Variants in PLXND1 observed in about 807,000 individuals in gnomAD.
PLXND1 encodes the protein plexin-D1.
In PLXND1, 54 loss-of-function variants were observed where a neutral mutation model predicts 197.7. The observed-to-expected ratio is 0.27, with a 90% confidence interval of 0.22 to 0.34. The LOEUF is 0.34. Ranked by LOEUF, PLXND1 falls within the 10% of genes least tolerant of loss-of-function variation. The probability of loss-of-function intolerance (pLI) is 1.00; values close to 1 mark genes in which losing one functional copy is unlikely to be tolerated. For missense variants in PLXND1, 2,127 were observed against 2,699.2 expected (o/e 0.79, Z 4.70); for synonymous variants, 1,180 against 1,161.2 (o/e 1.02, Z -0.33).
At chr3:129,591,752 C>T (rs1372588358) in intron 1 of PLXND1, 1 of 152,180 alleles carries the variant, frequency 6.6e-6, no homozygotes, top group Non-Finnish European at 1.5e-5. Context: ...TTTGAGCAGC[C>T]ATCCTCTCAC....
chr3:129,582,615 C>G (rs2085401672), intron 8 of PLXND1, among the ~76,000 whole-genome samples: 1 of 152,214 alleles, frequency 6.6e-6, no homozygotes, highest in East Asian at 1.9e-4. Flanking sequence ...TCACCCCAGC[C>G]AAGGTCCCAG....
Position 129,557,189 on chromosome 3 carries a change from T to C in PLXND1, c.5480A>G (p.Glu1827Gly). The change falls in exon 34 of 36, where the codon GAG becomes GGG. Residue 1827 changes from glutamate to glycine, a missense_variant. Coordinates refer to ENST00000324093, the MANE Select transcript of PLXND1 (RefSeq NM_015103.3). This position sits in a 1 kb window ranked among gnomAD's most constrained non-coding sequence, Gnocchi z 4.8. ...CACGATCTTCCGGTACTCAGGAATC[T>C]CCTTGGCGTAGAGGAGCTTGTTGGT... ...SPTNKLLYAKEIPEYRKIVQR... is the reference protein window; with the variant it reads ...SPTNKLLYAKGIPEYRKIVQR... 6.2e-7 allele frequency: 1 copy of C among 1,614,136 alleles called. No homozygotes were observed. The highest frequency in any genetic ancestry group is 1.1e-5 in the South Asian group (1 of 91,088).
chr3:129,575,897 A>C (rs1193638292), intron 9 of PLXND1, 42 bp from the exon 10 acceptor site: 1 of 1,203,544 alleles, frequency 8.3e-7, no homozygotes, highest in Non-Finnish European at 1.2e-6. Flanking sequence ...GAGGAGAACC[A>C]AGCCAGCATG....
At chr3:129,560,213 G>A in intron 31 of PLXND1, 117 bp downstream of exon 31, 2 of 665,178 alleles carry the variant, frequency 3.0e-6, no homozygotes, top group South Asian at 1.8e-5. Context: ...GAAACAGGAA[G>A]AACTCACACC....
chr3:129,587,221 C>G (rs977228543), intron 2 of PLXND1, among the ~76,000 whole-genome samples: 4 of 152,208 alleles, frequency 2.6e-5, no homozygotes, highest in Non-Finnish European at 5.9e-5. Context: ...CATTCCTCCC[C>G]CCGACGCCCA....
intron 31 of PLXND1, 60 bp from the exon 32 acceptor site, chr3:129,559,843 AC>A (rs2085032069): frequency 7.1e-7 from 1 of 1,400,046 alleles, no homozygotes; most frequent in Non-Finnish European, 9.6e-7. Context: ...GCTAGTGGGC[AC>A]CCTTGGTGGC....
At chr3:129,597,930 T>G (rs560986497) in intron 1 of PLXND1, among the ~76,000 whole-genome samples, 1 of 152,260 alleles carries the variant, frequency 6.6e-6, no homozygotes, top group East Asian at 1.9e-4. Flanking sequence ...CCTCGGGAGT[T>G]ACCTGGTCCA....
chr3:129,597,532 C>T (rs183100167), intron 1 of PLXND1, among the ~76,000 whole-genome samples: 226 of 152,262 alleles, frequency 1.5e-3, no homozygotes, highest in African/African-American at 5.0e-3. Flanking sequence ...ACATGATTAA[C>T]GCCCCACTGG....
At chr3:129,569,057 G>A (rs2085183918) in intron 20 of PLXND1, 1 of 152,188 alleles carries the variant, frequency 6.6e-6, no homozygotes, top group East Asian at 1.9e-4. Flanking sequence ...CATACAATAT[G>A]CCTTTGGTGA....
intron 1 of PLXND1, among the ~76,000 whole-genome samples, chr3:129,599,079 C>T (rs998779010): frequency 1.3e-5 from 2 of 152,164 alleles, no homozygotes; most frequent in African/African-American, 2.4e-5. Context: ...AACGGAGGCC[C>T]AGGTAGGGGA....
At chr3:129,595,441 C>T (rs2085606178) in intron 1 of PLXND1, among the ~76,000 whole-genome samples, 1 of 152,176 alleles carries the variant, frequency 6.6e-6, no homozygotes, top group South Asian at 2.1e-4. Context: ...TCAGGGGTGA[C>T]CAAGAGGCTT....
At chr3:129,586,373 C>T in intron 3 of PLXND1, 101 bp from the exon 4 acceptor site, 2 of 1,082,726 alleles carry the variant, frequency 1.8e-6, no homozygotes, top group Non-Finnish European at 2.7e-6. Flanking sequence ...GCTGGGGAAA[C>T]TGAGGGTCAA....
At chr3:129,573,496 G>A (rs2085266862) in intron 13 of PLXND1, 98 bp downstream of exon 13, 2 of 1,224,472 alleles carry the variant, frequency 1.6e-6, no homozygotes, top group African/African-American at 1.5e-5. Context: ...CCAGAAAGCA[G>A]CAGAGTGAGG....
chr3:129,563,227 TC>T lies in PLXND1; in HGVS notation c.4534del (p.Glu1512SerfsTer47). The T allele has an allele frequency of 6.2e-7, 1 of 1,610,744 alleles. No individual in the cohort carries two copies. On this transcript the variant is annotated frameshift_variant, in exon 26 of 36. Coordinates refer to ENST00000324093, the MANE Select transcript of PLXND1 (RefSeq NM_015103.3). LOFTEE classifies it high-confidence loss of function. ...MYSCLRETVG[E>X]PFFLLLCAIK... The stretch of plus-strand genomic sequence containing the variant: ...GGCACACAGCAGCAGGAAGAATGGC[TC>T]CCCCACCGTCTCCTGAGGGGCACGG...
Position 129,567,750 on chromosome 3 carries a change from C to T in PLXND1, c.3921G>A (p.Thr1307=), listed in dbSNP as rs771157211. The change falls in exon 21 of 36, where the codon ACG becomes ACA. Residue 1307 remains threonine (T), a synonymous_variant. Transcript: ENST00000324093. ...ATTCCATCTCCTCCATCTGCAGCAG[C>T]GTCTTCTGCCAGTAACGCTCAGCAC... ...SRRAERYWQK[T]LLQMEEMESQ... 13 of 1,613,532 alleles carry T rather than the reference C, an allele frequency of 8.1e-6. No homozygotes were observed. Among genetic ancestry groups the T allele is most frequent in the Admixed American group, 5.0e-5 (3 of 60,024 alleles).
At chr3:129,586,808 T>C in intron 2 of PLXND1, 89 bp from the exon 3 acceptor site, 1 of 1,431,192 alleles carries the variant, frequency 7.0e-7, no homozygotes. Flanking sequence ...CTGGGGGCTC[T>C]GCCTCCCCAT....
intron 4 of PLXND1, 21 bp downstream of exon 4, chr3:129,586,151 G>A (rs200054332): frequency 6.2e-7 from 1 of 1,610,372 alleles, no homozygotes; most frequent in Non-Finnish European, 8.5e-7. Flanking sequence ...TGGTCCAGCT[G>A]TTGCTGGTGT....
Position 129,584,148 on chromosome 3 carries a change from A to G in PLXND1, c.2115T>C (p.Thr705=). The part of the protein sequence containing the change: ...ANFTIYDCSR[T]AQVYPHTACT... ...ACGCTGTGTGGGGGTACACTTGTGC[A>G]GTGCGGCTGCAGTCGTAGATGGTGA... is the stretch of plus-strand genomic sequence containing the variant. Residue 705 remains threonine, a synonymous_variant, in exon 7 of 36, where the codon ACT becomes ACC. Coordinates refer to ENST00000324093, the MANE Select transcript of PLXND1 (RefSeq NM_015103.3). The G allele has an allele frequency of 6.4e-7, 1 of 1,565,296 alleles. No individual in the cohort carries two copies. Among genetic ancestry groups the G allele is most frequent in the Non-Finnish European group, 8.7e-7 (1 of 1,153,330 alleles).
chr3:129,574,087 G>A (rs1338620621), intron 12 of PLXND1, among the ~76,000 whole-genome samples: 1 of 152,110 alleles, frequency 6.6e-6, no homozygotes, highest in Non-Finnish European at 1.5e-5. Flanking sequence ...TTCAGCCCTC[G>A]GTGTCTCCTC....
Sources: gnomAD v4.1 joint callset for allele counts (sites outside exome capture counted in the v4.1 genomes callset) on GRCh38, gnomAD v4.1.1 for gene constraint, Gnocchi (gnomAD v3.1) non-coding constraint, MANE v1.5 for transcripts, NCBI Gene and HGNC (gene_info 2026-07-23, HGNC 2026-07-21) for gene names.